The following CR1L variants were observed in gnomAD, a reference collection of about 807,000 sequenced individuals.
CR1L encodes the protein complement C3b/C4b receptor 1 like.
In CR1L, 59 loss-of-function variants were observed where a neutral mutation model predicts 62.3. That is an observed-to-expected ratio of 0.95 (90% CI 0.77 to 1.18). CR1L has a LOEUF of 1.18. Ranked by LOEUF, CR1L falls within the 50% of genes most tolerant of loss-of-function variation. The probability of loss-of-function intolerance (pLI) is 0.00; values close to 1 mark genes in which losing one functional copy is unlikely to be tolerated. For synonymous variants in CR1L, 279 were observed against 248.7 expected (o/e 1.12, Z -1.15); for missense variants, 700 against 702.8 (o/e 1.00, Z 0.04).
intron 8 of CR1L, among the ~76,000 whole-genome samples, chr1:207,700,177 A>G (rs1664169927): frequency 1.3e-5 from 2 of 152,220 alleles, no homozygotes; most frequent in South Asian, 4.1e-4. Flanking sequence ...TTAGAAAACC[A>G]TGAAATTTTA....
intron 10 of CR1L, chr1:207,710,557 A>T: frequency 6.2e-7 from 1 of 1,609,710 alleles, no homozygotes; most frequent in Non-Finnish European, 8.5e-7. Flanking sequence ...AAGATGATCA[A>T]GTGGTCGTCT....
intron 11 of CR1L, among the ~76,000 whole-genome samples, chr1:207,719,446 A>C (rs1654082844): frequency 6.6e-6 from 1 of 152,106 alleles, no homozygotes; most frequent in South Asian, 2.1e-4. Context: ...TAGGCTGGAC[A>C]TGGTGGCTTA....
chr1:207,701,487 T>C (rs1172675286), intron 8 of CR1L, 32 bp from the exon 9 acceptor site: 1 of 1,612,590 alleles, frequency 6.2e-7, no homozygotes, highest in Non-Finnish European at 8.5e-7. Flanking sequence ...CAGATTACTC[T>C]ACCTGGCTCC....
chr1:207,688,999 C>T (rs1663954500), intron 4 of CR1L, among the ~76,000 whole-genome samples: 1 of 151,968 alleles, frequency 6.6e-6, no homozygotes, highest in African/African-American at 2.4e-5. Context: ...TTTCTTATGT[C>T]TTTTGTTTAT....
intron 10 of CR1L, among the ~76,000 whole-genome samples, chr1:207,709,430 T>G (rs1310845745): frequency 6.6e-6 from 1 of 151,984 alleles, no homozygotes; most frequent in African/African-American, 2.4e-5. Flanking sequence ...GCTGTATGCT[T>G]TATTATATTA....
At position 207,650,709 on chromosome 1, in the gene CR1L, G is replaced by A. The variant is rs11809767; in HGVS notation, c.97+5379G>A. Reference sequence around the variant, plus strand: ...AATACTAATCTGGGCAGGGCTGTGGGTATGCGTGTACATTAGTTAATTTTT... The same window carrying A: ...AATACTAATCTGGGCAGGGCTGTGGATATGCGTGTACATTAGTTAATTTTT... On this transcript the variant is annotated intron_variant, in intron 1 of 11. Transcript: ENST00000508064. Among the ~76,000 whole-genome samples the A allele has an allele frequency of 4.3e-3, 654 of 152,206 alleles. 4 individuals carry two copies. The highest frequency in any genetic ancestry group is 0.015 in the African/African-American group (622 of 41,516).
intron 1 of CR1L, among the ~76,000 whole-genome samples, chr1:207,662,581 C>T (rs1459122084): frequency 3.9e-5 from 6 of 152,072 alleles, no homozygotes; most frequent in Non-Finnish European, 2.9e-5. Flanking sequence ...ATTTCTTTGC[C>T]ATGGGTTCGA....
At chr1:207,684,521 TA>T (rs1234908644) in intron 4 of CR1L, among the ~76,000 whole-genome samples, 7 of 152,234 alleles carry the variant, frequency 4.6e-5, no homozygotes, top group Non-Finnish European at 1.0e-4. Context: ...TAGAGTAACC[TA>T]AATATTTTAA....
chr1:207,677,774 C>T (rs1170282428), intron 2 of CR1L, among the ~76,000 whole-genome samples: 1 of 152,210 alleles, frequency 6.6e-6, no homozygotes. Flanking sequence ...GAGAAACCGT[C>T]ATTGCAGGAC....
intron 10 of CR1L, among the ~76,000 whole-genome samples, chr1:207,708,544 G>A (rs1285515775): frequency 2.0e-5 from 3 of 152,214 alleles, no homozygotes; most frequent in Non-Finnish European, 2.9e-5. Context: ...CTCCCAGTTT[G>A]AAGAGCATTT....
At chr1:207,695,301 T>A (rs1178991237) in intron 5 of CR1L, among the ~76,000 whole-genome samples, 2 of 152,216 alleles carry the variant, frequency 1.3e-5, no homozygotes, top group East Asian at 3.9e-4. Context: ...AAATTTTTTA[T>A]ATTTTTTTTA....
intron 1 of CR1L, among the ~76,000 whole-genome samples, chr1:207,670,665 A>G (rs563047978): frequency 6.6e-6 from 1 of 151,058 alleles, no homozygotes; most frequent in Non-Finnish European, 1.5e-5. Context: ...CTAAAAGAGT[A>G]AGGGGAAAAG....
rs1332645201 is a variant in CR1L, at chr1:207,697,850, A to G, written c.1119A>G (p.Lys373=). ...LFPLNLQLGA[K]VDFVCDEGFQ... ...CACTTAATCTCCAGCTTGGAGCAAA[A>G]GTGGATTTTGTTTGTGATGAAGGGT... Residue 373 remains lysine, a synonymous_variant, in exon 7 of 12, where the codon AAA becomes AAG. Coordinates refer to ENST00000508064, the MANE Select transcript of CR1L (RefSeq NM_175710.2). 6.2e-7 allele frequency: 1 copy of G among 1,613,770 alleles called. No homozygotes were observed. The highest frequency in any genetic ancestry group is 8.5e-7 in the Non-Finnish European group (1 of 1,179,880).
intron 1 of CR1L, chr1:207,657,326 C>T (rs756658434): frequency 3.9e-6 from 4 of 1,016,140 alleles, no homozygotes; most frequent in Non-Finnish European, 4.7e-6. Flanking sequence ...TAAAAGTCAC[C>T]TTTCAATTTA....
chr1:207,710,647 C>T lies in CR1L; in HGVS notation c.1414+2384C>T, dbSNP rs956751743. On this transcript the variant is annotated intron_variant, in intron 10 of 11. Transcript: ENST00000508064. ...TGGAAAATGGAATATTGGTGTCTGA[C>T]AACAGAAGCTTATTTTCCTTAAATG... 4 of 1,609,944 alleles carry T rather than the reference C, an allele frequency of 2.5e-6. No individual in the cohort carries two copies. The African/African-American group carries it at 4.0e-5, about 16-fold the overall frequency.
At chr1:207,686,419 T>G (rs1663913772) in intron 4 of CR1L, among the ~76,000 whole-genome samples, 1 of 151,974 alleles carries the variant, frequency 6.6e-6, no homozygotes, top group South Asian at 2.1e-4. Flanking sequence ...ATTAAAAATT[T>G]TTTGTCTTTG....
intron 1 of CR1L, among the ~76,000 whole-genome samples, chr1:207,663,579 C>T (rs188058441): frequency 6.6e-6 from 1 of 152,350 alleles, no homozygotes; most frequent in African/African-American, 2.4e-5. Context: ...TTCCCTGACC[C>T]CTTGTGATTC....
intron 1 of CR1L, chr1:207,669,359 T>C (rs17045979): frequency 0.081 from 68,626 of 843,640 alleles, 5,339 homozygotes; most frequent in East Asian, 0.37. Context: ...AGCACAAGGA[T>C]TGGTCACTCC....
At chr1:207,652,454 T>C (rs1663237263) in intron 1 of CR1L, 4 of 762,814 alleles carry the variant, frequency 5.2e-6, no homozygotes, top group South Asian at 4.3e-5. Context: ...GCCTTCCTAT[T>C]TTTTCTGTAC....
Sources: gnomAD v4.1 joint callset for allele counts (sites outside exome capture counted in the v4.1 genomes callset) on GRCh38, gnomAD v4.1.1 for gene constraint, MANE v1.5 for transcripts, NCBI Gene and HGNC (gene_info 2026-07-23, HGNC 2026-07-21) for gene names.